Variants in SLIT3 observed in about 807,000 individuals in gnomAD.
The protein encoded by SLIT3 is slit guidance ligand 3.
In SLIT3, 68 loss-of-function variants were observed where a neutral mutation model predicts 184.0. That is an observed-to-expected ratio of 0.37 (90% confidence interval 0.30 to 0.45). SLIT3 has a LOEUF of 0.45. Among genes scored for constraint, SLIT3 ranks in the 20% least tolerant of loss-of-function variants. The pLI, the probability that SLIT3 is intolerant of heterozygous loss-of-function variation, is 1.00. For missense variants in SLIT3, 1,707 were observed against 2,026.0 expected (o/e 0.84, Z 3.02); for synonymous variants, 831 against 828.6 (o/e 1.00, Z -0.05).
Position 169,193,464 on chromosome 5 carries a change from G to A in SLIT3, c.413+15C>T. On this transcript the variant is annotated intron_variant, in intron 4 of 35. Transcript: ENST00000519560. Reference sequence around the variant, plus strand: ...GCAAGGCACAAGGTAGAGAACACAAGGCAACTCTACTCACAGTCTGGTGAG... The same window carrying A: ...GCAAGGCACAAGGTAGAGAACACAAAGCAACTCTACTCACAGTCTGGTGAG... 3 of 1,611,294 alleles carry A rather than the reference G, an allele frequency of 1.9e-6. No individual in the cohort carries two copies. The highest frequency in any genetic ancestry group is 2.5e-6 in the Non-Finnish European group (3 of 1,177,450).
chr5:169,095,027 G>A (rs1321111650), intron 4 of SLIT3, among the ~76,000 whole-genome samples: 1 of 152,158 alleles, frequency 6.6e-6, no homozygotes, highest in Non-Finnish European at 1.5e-5. Context: ...CCAGGAGGAG[G>A]ACACGAAATG....
At chr5:168,939,194 C>G (rs12659804) in intron 4 of SLIT3, among the ~76,000 whole-genome samples, 19,074 of 152,058 alleles carry the variant, frequency 0.13, 2,607 homozygotes, top group African/African-American at 0.35. Flanking sequence ...TACGTAGCTG[C>G]GCTGTGGGTC....
In SLIT3 at chr5:168,755,577, G is replaced by C. The variant is rs112329431; in HGVS notation, c.1686-1570C>G. Among the ~76,000 whole-genome samples the C allele has an allele frequency of 6.3e-4, 96 of 151,864 alleles. 1 individual carries two copies. Among genetic ancestry groups the C allele is most frequent in the African/African-American group, 2.0e-3 (85 of 41,480 alleles). On this transcript the variant is annotated intron_variant, in intron 16 of 35. Coordinates refer to ENST00000519560, the MANE Select transcript of SLIT3 (RefSeq NM_003062.4). ...AGCCTCCCGAGTAGCTGGGATTACA[G>C]GTGCCTGCCACCATGCCCTGCTAAT...
chr5:168,771,580 C>T (rs1428794507), intron 14 of SLIT3, among the ~76,000 whole-genome samples: 3 of 152,142 alleles, frequency 2.0e-5, no homozygotes, highest in Non-Finnish European at 2.9e-5. Flanking sequence ...CCACGCTCAT[C>T]GCAGGTGAAA....
chr5:168,842,059 T>C (rs1378882797), intron 6 of SLIT3, among the ~76,000 whole-genome samples: 1 of 152,188 alleles, frequency 6.6e-6, no homozygotes, highest in African/African-American at 2.4e-5. Context: ...GGAGCCTAAA[T>C]TGTGATTACA....
intron 4 of SLIT3, among the ~76,000 whole-genome samples, chr5:168,978,806 T>G (rs1317170611): frequency 6.6e-6 from 1 of 152,154 alleles, no homozygotes; most frequent in African/African-American, 2.4e-5. Flanking sequence ...ATCTAATCTT[T>G]TAACTGTCTT....
chr5:168,808,331 G>A (rs1757046751), intron 8 of SLIT3, among the ~76,000 whole-genome samples: 1 of 152,050 alleles, frequency 6.6e-6, no homozygotes, highest in Non-Finnish European at 1.5e-5. Context: ...AGGAATGGGA[G>A]AGTGTTGGGG....
chr5:168,753,766 A>G, intron 17 of SLIT3, 98 bp downstream of exon 17: 2 of 1,396,120 alleles, frequency 1.4e-6, no homozygotes, highest in Non-Finnish European at 2.0e-6. Flanking sequence ...AGGCCAAGAC[A>G]GTGCCTGGGT....
chr5:168,724,001 G>T (rs774400553), intron 21 of SLIT3, among the ~76,000 whole-genome samples: 1 of 152,174 alleles, frequency 6.6e-6, no homozygotes, highest in Non-Finnish European at 1.5e-5. Context: ...CAATACTGGG[G>T]TAAGTATTAC....
intron 6 of SLIT3, among the ~76,000 whole-genome samples, chr5:168,825,367 C>A (rs1757664337): frequency 6.6e-6 from 1 of 152,152 alleles, no homozygotes; most frequent in Non-Finnish European, 1.5e-5. Flanking sequence ...GTGGCCTCAC[C>A]TCCCTTGGCC....
chr5:169,291,983 G>C (rs959716590), intron 1 of SLIT3, among the ~76,000 whole-genome samples: 1 of 152,210 alleles, frequency 6.6e-6, no homozygotes, highest in Non-Finnish European at 1.5e-5. Flanking sequence ...GCAGTGCCAG[G>C]CACAAAGAAA....
intron 4 of SLIT3, among the ~76,000 whole-genome samples, chr5:169,119,682 G>A (rs914085527): frequency 2.0e-5 from 3 of 152,124 alleles, no homozygotes; most frequent in African/African-American, 4.8e-5. Context: ...ACAGAAGAAC[G>A]TGTCTTTGGC....
chr5:169,077,223 T>A (rs1758779740), intron 4 of SLIT3, among the ~76,000 whole-genome samples: 1 of 152,176 alleles, frequency 6.6e-6, no homozygotes, highest in Non-Finnish European at 1.5e-5. Flanking sequence ...ATAATTTTCT[T>A]TTCTCTAGTT....
In SLIT3 at chr5:168,788,259, C is replaced by T. The variant is rs1756231108; in HGVS notation, c.1079+1301G>A. ...GCAGACACTAATCTCACACATGGTC[C>T]CATCTTTGATATCCCAGCCAGATGT... On this transcript the variant is annotated intron_variant, in intron 11 of 35. Coordinates refer to ENST00000519560, the MANE Select transcript of SLIT3 (RefSeq NM_003062.4). 2.0e-5 allele frequency among the ~76,000 whole-genome samples: 3 copies of T among 152,106 alleles called. 1 individual carries two copies. The highest frequency in any genetic ancestry group is 4.2e-4 in the South Asian group (2 of 4,816).
intron 4 of SLIT3, among the ~76,000 whole-genome samples, chr5:169,011,392 A>G (rs918720774): frequency 1.3e-5 from 2 of 152,198 alleles, no homozygotes; most frequent in Admixed American, 6.5e-5. Context: ...TAATAGGTCT[A>G]GCTACTAAAG....
intron 4 of SLIT3, among the ~76,000 whole-genome samples, chr5:169,165,305 A>G (rs1762601572): frequency 6.6e-6 from 1 of 152,222 alleles, no homozygotes. Flanking sequence ...AGGCCAACCT[A>G]AAAGAGAGAT....
intron 4 of SLIT3, among the ~76,000 whole-genome samples, chr5:168,975,012 A>G (rs1754700258): frequency 1.3e-5 from 2 of 152,206 alleles, no homozygotes; most frequent in African/African-American, 4.8e-5. Flanking sequence ...TCGACCACAC[A>G]TAACCACAGC....
intron 5 of SLIT3, among the ~76,000 whole-genome samples, chr5:168,846,775 C>T (rs898335532): frequency 3.3e-5 from 5 of 152,116 alleles, no homozygotes; most frequent in Non-Finnish European, 5.9e-5. Context: ...TATTTATTTA[C>T]TGGATTTGTG....
At chr5:168,891,292 G>A (rs1479399541) in intron 4 of SLIT3, among the ~76,000 whole-genome samples, 4 of 152,282 alleles carry the variant, frequency 2.6e-5, no homozygotes, top group South Asian at 2.1e-4. Flanking sequence ...GCTGAAGTGG[G>A]GAGAATGATG....
Sources: allele counts gnomAD v4.1 joint callset (sites outside exome capture counted in the v4.1 genomes callset), GRCh38; gene constraint gnomAD v4.1.1; transcripts MANE v1.5; gene names NCBI Gene and HGNC (gene_info 2026-07-23, HGNC 2026-07-21).